BAZ2A: variants seen among roughly 807,000 people sequenced by gnomAD.
BAZ2A encodes bromodomain adjacent to zinc finger domain protein 2A.
A neutral mutation model predicts 199.9 loss-of-function variants in BAZ2A; 34 were observed. That is an observed-to-expected ratio of 0.17 (90% CI 0.13 to 0.23). The LOEUF (loss-of-function observed/expected upper bound fraction) is 0.23. Ranked by LOEUF, BAZ2A falls within the 10% of genes least tolerant of loss-of-function variation. BAZ2A has a pLI of 1.00. For synonymous variants in BAZ2A, 857 were observed against 883.9 expected, an observed-to-expected ratio of 0.97 and a Z score of 0.54; for missense variants, 2,002 against 2,391.1, an observed-to-expected ratio of 0.84 and a Z score of 3.39.
Position 56,617,500 on chromosome 12 carries a change from C to T in BAZ2A, c.31G>A (p.Gly11Ser), listed in dbSNP as rs780428701. The T allele has an allele frequency of 6.2e-7, 1 of 1,608,266 alleles. No individual in the cohort carries two copies. Among genetic ancestry groups the T allele is most frequent in the South Asian group, 1.1e-5 (1 of 89,700 alleles). The change falls in exon 2 of 29, where the codon GGC becomes AGC. Residue 11 changes from glycine to serine, a missense_variant. Around this residue, in one of 6 missense-constraint regions of BAZ2A, gnomAD observed 641 missense variants for 694.5 expected, o/e 0.92. Coordinates refer to ENST00000549884, the MANE Select transcript of BAZ2A (RefSeq NM_001300905.2). MEANDHFNFTGLPPAPAASGL... is the reference protein window; with the variant it reads MEANDHFNFTSLPPAPAASGL... ...GAGGCAGCAGGTGCAGGGGGAAGGCCAGTAAAGTTAAAATGGTCGTTTGCC... is the reference window on the plus strand; with the variant it reads ...GAGGCAGCAGGTGCAGGGGGAAGGCTAGTAAAGTTAAAATGGTCGTTTGCC...
At chr12:56,609,599 A>G (rs1416320514) in intron 10 of BAZ2A, 137 bp downstream of exon 10, 7 of 1,011,204 alleles carry the variant, frequency 6.9e-6, no homozygotes, top group Non-Finnish European at 1.0e-5. Flanking sequence ...CTGGATTCCA[A>G]GGAGAAGCTG....
intron 1 of BAZ2A, chr12:56,636,176 A>G: frequency 6.3e-7 from 1 of 1,594,062 alleles, no homozygotes; most frequent in Non-Finnish European, 8.5e-7. Context: ...TGGTCCCCAT[A>G]CTCACCCATG....
At chr12:56,599,613 C>A in intron 26 of BAZ2A, 89 bp downstream of exon 26, 1 of 1,568,848 alleles carries the variant, frequency 6.4e-7, no homozygotes, top group Non-Finnish European at 8.7e-7. Context: ...CCCTAATACC[C>A]AGTCTAGGAC....
intron 5 of BAZ2A, 65 bp downstream of exon 5, chr12:56,612,950 T>A: frequency 6.6e-7 from 1 of 1,505,116 alleles, no homozygotes; most frequent in Admixed American, 1.9e-5. Flanking sequence ...GCCCTAACTA[T>A]GAAACTTATT....
rs1886315408 is a variant in BAZ2A, at chr12:56,600,240, C to T, written c.4853G>A (p.Ser1618Asn). 3.7e-6 allele frequency: 6 copies of T among 1,613,834 alleles called. No homozygotes were observed. The Admixed American group carries it at 5.0e-5, about 13-fold the overall frequency. ...GCCCTCAGGGGCACCATTAGGTGTG[C>T]TAAGCAGGGCCTTCTCCAGCACAAC... is the stretch of plus-strand genomic sequence containing the variant. ...HEVVLEKALL[S>N]TPNGAPEGTT... is the part of the protein sequence containing the mutation. The change falls in exon 24 of 29, where the codon AGC becomes AAC. Residue 1618 changes from serine (S) to asparagine (N), a missense_variant. Ser to Asn is a conservative substitution (Grantham distance 46). This residue lies in a region of BAZ2A where 1,081 missense variants were observed against 1,274.7 expected (regional missense o/e 0.85). Coordinates refer to ENST00000549884, the MANE Select transcript of BAZ2A (RefSeq NM_001300905.2).
At chr12:56,614,938 T>C in intron 3 of BAZ2A, 76 bp downstream of exon 3, 1 of 1,426,240 alleles carries the variant, frequency 7.0e-7, no homozygotes, top group Non-Finnish European at 9.6e-7. Context: ...GACAAGTTTT[T>C]CTCACCTCAA....
At chr12:56,637,945 T>C (rs527413942), upstream of BAZ2A, among the ~76,000 whole-genome samples, 76 of 152,286 alleles carry the variant, frequency 5.0e-4, no homozygotes, top group Non-Finnish European at 9.7e-4. Context: ...ATGCTGAAAC[T>C]GCTTCTTATA....
At chr12:56,634,013 G>A (rs993033325), upstream of BAZ2A, among the ~76,000 whole-genome samples, 1 of 152,066 alleles carries the variant, frequency 6.6e-6, no homozygotes, top group South Asian at 2.1e-4. Flanking sequence ...GATTACAGGC[G>A]AGCACACTCC....
At chr12:56,629,966 C>T (rs1052559213) in intron 1 of BAZ2A, 159 bp downstream of exon 1, 2 of 475,306 alleles carry the variant, frequency 4.2e-6, no homozygotes, top group South Asian at 8.9e-5. Context: ...AGCAAGGAGA[C>T]CCTCGCCTCG....
intron 7 of BAZ2A, 80 bp downstream of exon 7, chr12:56,611,493 G>C: frequency 7.0e-7 from 1 of 1,419,716 alleles, no homozygotes; most frequent in South Asian, 1.2e-5. Flanking sequence ...CACCTCAGAG[G>C]AAAAGAGGCA....
intron 10 of BAZ2A, among the ~76,000 whole-genome samples, chr12:56,608,285 TG>T (rs1172901434): frequency 1.3e-5 from 2 of 149,052 alleles, no homozygotes; most frequent in African/African-American, 5.0e-5. Context: ...GGCAGGAGAA[TG>T]GGGTGAATCC....
At position 56,599,300 on chromosome 12, in the gene BAZ2A, T is replaced by C. The variant is rs1886167859; in HGVS notation, c.5231A>G (p.Lys1744Arg). ...PGFPKRGQKR[K>R]SGYSLNFSEG... ...TGAGAAGTTCAGCGAATAACCACTT[T>C]TCCGCTTCTGGCCACGCTTTGGGAA... Residue 1744 changes from lysine to arginine, a missense_variant, in exon 27 of 29, where the codon AAA becomes AGA. By Grantham distance (26) the Lys-to-Arg change is conservative. Around this residue, in one of 6 missense-constraint regions of BAZ2A, gnomAD observed 122 missense variants for 123.0 expected, o/e 0.99. Coordinates refer to ENST00000549884, the MANE Select transcript of BAZ2A (RefSeq NM_001300905.2). 1.2e-6 allele frequency: 2 copies of C among 1,613,710 alleles called. No individual in the cohort carries two copies. Among genetic ancestry groups the C allele is most frequent in the South Asian group, 2.2e-5 (2 of 91,026 alleles).
At chr12:56,616,204 TTTTTTG>T (rs749810894) in intron 2 of BAZ2A, among the ~76,000 whole-genome samples, 8 of 152,082 alleles carry the variant, frequency 5.3e-5, no homozygotes, top group African/African-American at 1.9e-4. Context: ...CCTGGCCTTT[TTTTTTG>T]TTTTTAATTA....
intron 1 of BAZ2A, among the ~76,000 whole-genome samples, chr12:56,628,519 AGAAGGTAGTATCT>A (rs1951186479): frequency 6.6e-6 from 1 of 152,210 alleles, no homozygotes; most frequent in African/African-American, 2.4e-5. Flanking sequence ...TTGATTCTGC[AGAAGGTAGTATCT>A]CCAGCACCCC....
intron 27 of BAZ2A, 30 bp from the exon 28 acceptor site, chr12:56,599,041 T>C (rs1886126189): frequency 6.2e-7 from 1 of 1,607,676 alleles, no homozygotes; most frequent in East Asian, 2.2e-5. Flanking sequence ...GATGGCTCCA[T>C]CTCAGGAAGC....
chr12:56,599,872 A>G, intron 25 of BAZ2A, 24 bp from the exon 26 acceptor site: 6 of 1,613,884 alleles, frequency 3.7e-6, no homozygotes, highest in Non-Finnish European at 4.2e-6. Context: ...GTGAGGAGGC[A>G]GAATGAGCTC....
upstream of BAZ2A, among the ~76,000 whole-genome samples, chr12:56,631,499 A>G (rs1951310518): frequency 6.6e-6 from 1 of 152,018 alleles, no homozygotes; most frequent in Non-Finnish European, 1.5e-5. Flanking sequence ...CTCCTTCATC[A>G]AATGAAGAAA....
chr12:56,615,746 T>C, intron 2 of BAZ2A, 139 bp from the exon 3 acceptor site: 1 of 769,330 alleles, frequency 1.3e-6, no homozygotes, highest in Non-Finnish European at 2.0e-6. Context: ...TATTTAGTTT[T>C]TGGGTCTCTG....
In BAZ2A at chr12:56,598,486, G is replaced by C; in HGVS notation, c.*132C>G. 2 of 1,212,370 alleles carry C rather than the reference G, an allele frequency of 1.6e-6. No homozygotes were observed. The highest frequency in any genetic ancestry group is 3.1e-5 in the South Asian group (2 of 65,480). The allele number at this position is 1,212,370 out of a possible 1,614,324, so 75.1% of individuals were successfully genotyped here. A position where few individuals can be genotyped will look rare whatever the true frequency, so the allele number is the denominator to read the frequency against. On this transcript the variant is annotated 3_prime_UTR_variant, in exon 29 of 29. Coordinates refer to ENST00000549884, the MANE Select transcript of BAZ2A (RefSeq NM_001300905.2). Reference sequence around the variant, plus strand: ...ATAAGAGGATGTGGGGCACTGCCAAGGGCAAGGTCAAAAATCAGGGTTGTA... The same window carrying C: ...ATAAGAGGATGTGGGGCACTGCCAACGGCAAGGTCAAAAATCAGGGTTGTA...
Sources: allele counts gnomAD v4.1 joint callset (sites outside exome capture counted in the v4.1 genomes callset), GRCh38; gene constraint gnomAD v4.1.1; regional missense constraint gnomAD v4.1.1; transcripts MANE v1.5; gene names NCBI Gene and HGNC (gene_info 2026-07-23, HGNC 2026-07-21).